The following TPR variants were observed in gnomAD, a reference collection of about 807,000 sequenced individuals.
The protein encoded by TPR is translocated promoter region, nuclear basket protein.
TPR carries 51 observed loss-of-function variants against 316.1 expected under a neutral mutation model. The ratio of observed to expected loss-of-function variants is 0.16; its 90% CI spans 0.13 to 0.20. The LOEUF (loss-of-function observed/expected upper bound fraction) is 0.20, where lower values mean the gene tolerates loss of function less well. TPR is among the 10% of genes least tolerant of loss of function. TPR has a pLI of 1.00. For missense variants in TPR, 2,272 were observed against 2,754.8 expected, an observed-to-expected ratio of 0.82 and a Z score of 3.92; for synonymous variants, 981 against 914.7, an observed-to-expected ratio of 1.07 and a Z score of -1.31.
intron 3 of TPR, among the ~76,000 whole-genome samples, chr1:186,369,288 G>A (rs539081134): frequency 1.1e-4 from 17 of 151,646 alleles, no homozygotes; most frequent in South Asian, 4.2e-4. Context: ...CTATTTCTGC[G>A]AAGAATGCCT....
intron 24 of TPR, 97 bp downstream of exon 24, chr1:186,345,483 T>A (rs1454018430): frequency 1.0e-6 from 1 of 964,094 alleles, no homozygotes; most frequent in Non-Finnish European, 1.6e-6. Flanking sequence ...TTATCTTGAA[T>A]TTTTGTAAGG....
At chr1:186,355,384 T>C (rs372190769) in intron 17 of TPR, 26 bp downstream of exon 17, 8 of 1,592,126 alleles carry the variant, frequency 5.0e-6, no homozygotes, top group Admixed American at 1.8e-5. Context: ...TTAGACTTAA[T>C]TAATTTGAAA....
intron 20 of TPR, 111 bp downstream of exon 20, chr1:186,351,219 T>C: frequency 7.7e-7 from 1 of 1,300,338 alleles, no homozygotes; most frequent in South Asian, 2.0e-5. Context: ...AAAAACTTAG[T>C]AACAAAGTTT....
intron 5 of TPR, 31 bp downstream of exon 5, chr1:186,363,311 G>A (rs1659248473): frequency 6.6e-7 from 1 of 1,505,976 alleles, no homozygotes; most frequent in South Asian, 1.1e-5. Context: ...AAAAGCTATA[G>A]TTTATGCATT....
chr1:186,365,577 G>A (rs1367597056), intron 4 of TPR, among the ~76,000 whole-genome samples: 3 of 152,158 alleles, frequency 2.0e-5, no homozygotes, highest in East Asian at 3.9e-4. Flanking sequence ...TTTGTGAAAA[G>A]AAAATGTCAA....
rs1261074115 is a variant in TPR at position 186,339,784 on chromosome 1, A to G, written c.4021-12T>C. On this transcript the variant is annotated splice_polypyrimidine_tract_variant and intron_variant, in intron 29 of 50. Coordinates refer to ENST00000367478, the MANE Select transcript of TPR (RefSeq NM_003292.3). ...TGACTTACTAGATGCTAGAATAACA[A>G]AAATGCATACTTGATTTTTTTAGGT... The G allele has an allele frequency of 6.4e-7, 1 of 1,556,730 alleles. No homozygotes were observed. The highest frequency in any genetic ancestry group is 1.2e-5 in the South Asian group (1 of 81,176).
Position 186,341,272 on chromosome 1 carries a change from G to A in TPR, c.3868C>T (p.Leu1290=), listed in dbSNP as rs747689743. The A allele has an allele frequency of 6.2e-7, 1 of 1,613,906 alleles. No individual in the cohort carries two copies. The highest frequency in any genetic ancestry group is 1.3e-5 in the African/African-American group (1 of 75,016). ...CAAACCTTTGCTTGCATTTGCTGTAGATCCTGTTCTAGTCTCTCCTTCTCT... is the reference window on the plus strand; with the variant it reads ...CAAACCTTTGCTTGCATTTGCTGTAAATCCTGTTCTAGTCTCTCCTTCTCT... ...REEKERLEQD[L]QQMQAKVRKL... Residue 1290 remains leucine (L), a synonymous_variant, in exon 28 of 51, where the codon CTA becomes TTA. Coordinates refer to ENST00000367478, the MANE Select transcript of TPR (RefSeq NM_003292.3).
At chr1:186,369,336 A>G (rs1170823073) in intron 3 of TPR, among the ~76,000 whole-genome samples, 1 of 151,910 alleles carries the variant, frequency 6.6e-6, no homozygotes, top group Non-Finnish European at 1.5e-5. Context: ...TCTTTTTACC[A>G]CTTTATAGTG....
chr1:186,371,108 G>T, intron 2 of TPR, 65 bp from the exon 3 acceptor site: 2 of 1,195,542 alleles, frequency 1.7e-6, no homozygotes, highest in Non-Finnish European at 2.5e-6. Flanking sequence ...GTGTTTTTAT[G>T]CAACTGCCAA....
Position 186,357,765 on chromosome 1 carries a change from C to T in TPR, c.1498-142G>A, listed in dbSNP as rs548795195. On this transcript the variant is annotated intron_variant, in intron 13 of 50. Coordinates refer to ENST00000367478, the MANE Select transcript of TPR (RefSeq NM_003292.3). Reference sequence around the variant, plus strand: ...CAAATTATCTTTAAAAATAAAGCATCCTTGGATATTAAAATCTAAACAATC... The same window carrying T: ...CAAATTATCTTTAAAAATAAAGCATTCTTGGATATTAAAATCTAAACAATC... The T allele has an allele frequency of 1.0e-5, 7 of 680,206 alleles. No individual in the cohort carries two copies. In the South Asian group the frequency reaches 1.4e-4, roughly 13 times the overall value. The allele number at this position is 680,206 out of a possible 1,614,324, so 42.1% of individuals were successfully genotyped here.
chr1:186,317,453 C>T (rs2102048750), intron 49 of TPR, 29 bp downstream of exon 49: 1 of 1,556,460 alleles, frequency 6.4e-7, no homozygotes, highest in Non-Finnish European at 8.9e-7. Context: ...TGTATAAAAA[C>T]TGTATTGCAG....
intron 38 of TPR, 64 bp from the exon 39 acceptor site, chr1:186,331,645 TGTTA>T (rs1323004741): frequency 1.8e-6 from 2 of 1,102,750 alleles, no homozygotes. Context: ...TACCTGTTTT[TGTTA>T]GTTCTCTCAT....
In TPR at chr1:186,365,126, C is replaced by T. The variant is rs545858137; in HGVS notation, c.428-1681G>A. On this transcript the variant is annotated intron_variant, in intron 4 of 50. Coordinates refer to ENST00000367478, the MANE Select transcript of TPR (RefSeq NM_003292.3). Reference sequence around the variant, plus strand: ...CCTTTTTTTTTTTTGGAGACAGTCTCGCTCTATCCCCCTAGCTGGAGTGTA... The same window carrying T: ...CCTTTTTTTTTTTTGGAGACAGTCTTGCTCTATCCCCCTAGCTGGAGTGTA... Among the ~76,000 whole-genome samples the T allele has an allele frequency of 6.2e-5, 7 of 113,204 alleles. No homozygotes were observed. The South Asian group carries it at 1.4e-3, about 22-fold the overall frequency. 74.3% of individuals were successfully genotyped at this position (113,204 alleles called of 152,430 possible). A position where few individuals can be genotyped will look rare whatever the true frequency, so the allele number is the denominator to read the frequency against.
At chr1:186,333,046 T>C (rs927814202) in intron 37 of TPR, 76 bp downstream of exon 37, 1 of 1,501,720 alleles carries the variant, frequency 6.7e-7, no homozygotes, top group East Asian at 2.3e-5. Context: ...ATACTCAAGA[T>C]ATATATACTC....
At chr1:186,330,958 C>T (rs944056335) in intron 39 of TPR, among the ~76,000 whole-genome samples, 3 of 152,112 alleles carry the variant, frequency 2.0e-5, no homozygotes, top group African/African-American at 4.8e-5. Context: ...GATATGCTTA[C>T]AGTCACAAAG....
Position 186,312,422 on chromosome 1 carries a change from TAC to T in TPR, c.*1547_*1548del, listed in dbSNP as rs776023871. ...AATCCTTAAACATAAGTAGATGTAATACAGTTTCTTATACAGTAAGGCTTATG... is the reference window on the plus strand; with the variant it reads ...AATCCTTAAACATAAGTAGATGTAATAGTTTCTTATACAGTAAGGCTTATG... On this transcript the variant is annotated 3_prime_UTR_variant, in exon 51 of 51. Coordinates refer to ENST00000367478, the MANE Select transcript of TPR (RefSeq NM_003292.3). The T allele has an allele frequency of 4.4e-5, 65 of 1,489,188 alleles. No homozygotes were observed. The highest frequency in any genetic ancestry group is 9.0e-5 in the East Asian group (4 of 44,204). 92.2% of individuals were successfully genotyped at this position (1,489,188 alleles called of 1,614,324 possible). A position where few individuals can be genotyped will look rare whatever the true frequency, so the allele number is the denominator to read the frequency against.
chr1:186,318,727 C>A lies in TPR; in HGVS notation c.6664+6G>T. 1 of 1,613,810 alleles carries A rather than the reference C, an allele frequency of 6.2e-7. No individual in the cohort carries two copies. Among genetic ancestry groups the A allele is most frequent in the Non-Finnish European group, 8.5e-7 (1 of 1,179,936 alleles). On this transcript the variant is annotated splice_donor_region_variant and intron_variant, in intron 47 of 50. Coordinates refer to ENST00000367478, the MANE Select transcript of TPR (RefSeq NM_003292.3). ...ACAGAACCTACTATCTGCCTTTGAT[C>A]CCTACCTGGGGCTGCTACTTGTAGT...
rs772274096 is a variant in TPR, at chr1:186,361,737, A to G, written c.871-28T>C. ...AAAAGTTAATCTTAAAAAGTTACCT[A>G]ACAGTCAACAATGCAACATTTAGAT... On this transcript the variant is annotated intron_variant, in intron 8 of 50. Transcript: ENST00000367478. 5 of 1,613,228 alleles carry G rather than the reference A, an allele frequency of 3.1e-6. No individual in the cohort carries two copies. The African/African-American group carries it at 6.7e-5, about 22-fold the overall frequency.
At position 186,313,732 on chromosome 1, in the gene TPR, C is replaced by T; in HGVS notation, c.*239G>A. 4 of 1,610,446 alleles carry T rather than the reference C, an allele frequency of 2.5e-6. No homozygotes were observed. Among genetic ancestry groups the T allele is most frequent in the African/African-American group, 1.3e-5 (1 of 74,938 alleles). Reference sequence around the variant, plus strand: ...AGTAGAACAGCAAGAGCAATTACTACTCGTTCTGGGCAGACCTTATCCAAA... The same window carrying T: ...AGTAGAACAGCAAGAGCAATTACTATTCGTTCTGGGCAGACCTTATCCAAA... On this transcript the variant is annotated 3_prime_UTR_variant, in exon 51 of 51. Transcript: ENST00000367478.
Sources: allele counts gnomAD v4.1 joint callset (sites outside exome capture counted in the v4.1 genomes callset), GRCh38; gene constraint gnomAD v4.1.1; transcripts MANE v1.5; gene names NCBI Gene and HGNC (gene_info 2026-07-23, HGNC 2026-07-21).